MLH3: variants seen among roughly 807,000 people sequenced by gnomAD.
MLH3 encodes the protein DNA mismatch repair protein Mlh3.
MLH3 carries 82 observed loss-of-function variants against 122.2 expected under a neutral mutation model. The ratio of observed to expected loss-of-function variants is 0.67; its 90% CI spans 0.56 to 0.81. MLH3 has a LOEUF of 0.81. Ranked by LOEUF, MLH3 falls within the 30% of genes least tolerant of loss-of-function variation. The pLI, the probability that MLH3 is intolerant of heterozygous loss-of-function variation, is 0.00. For missense variants in MLH3, 1,539 were observed against 1,714.5 expected, an observed-to-expected ratio of 0.90 and a Z score of 1.81; for synonymous variants, 524 against 599.5, an observed-to-expected ratio of 0.87 and a Z score of 1.84.
intron 6 of MLH3, among the ~76,000 whole-genome samples, chr14:75,037,486 T>C (rs190782285): frequency 3.3e-5 from 5 of 152,320 alleles, no homozygotes; most frequent in African/African-American, 1.2e-4. Flanking sequence ...TTAATACTTG[T>C]TGAATGAGTT....
At chr14:75,046,281 G>T in intron 2 of MLH3, 95 bp downstream of exon 2, 3 of 1,278,250 alleles carry the variant, frequency 2.3e-6, no homozygotes, top group Non-Finnish European at 3.4e-6. Flanking sequence ...TGTTCTATCT[G>T]TTGAGATAAT....
intron 1 of MLH3, among the ~76,000 whole-genome samples, 172 bp downstream of exon 1, chr14:75,051,208 G>A (rs557043905): frequency 2.0e-5 from 3 of 152,074 alleles, no homozygotes; most frequent in Non-Finnish European, 2.9e-5. Flanking sequence ...CCCCTCCCTG[G>A]CCAGCCCCGT....
intron 11 of MLH3, among the ~76,000 whole-genome samples, chr14:75,021,330 C>T (rs901064968): frequency 4.6e-5 from 7 of 152,172 alleles, no homozygotes; most frequent in Admixed American, 2.6e-4. Context: ...AAGAGCTTCT[C>T]CACAGCAAAA....
intron 1 of MLH3, 25 bp from the exon 2 acceptor site, chr14:75,049,743 G>C: frequency 7.9e-7 from 1 of 1,261,652 alleles, no homozygotes; most frequent in Non-Finnish European, 1.1e-6. Context: ...AACCACACAC[G>C]CACATAATCA....
At chr14:75,022,219 C>T (rs1256049982) in intron 11 of MLH3, among the ~76,000 whole-genome samples, 6 of 152,290 alleles carry the variant, frequency 3.9e-5, no homozygotes, top group African/African-American at 1.2e-4. Flanking sequence ...GTACTATGCT[C>T]ATTACCTGGG....
intron 11 of MLH3, among the ~76,000 whole-genome samples, 159 bp downstream of exon 11, chr14:75,022,655 A>G (rs1337451637): frequency 6.6e-6 from 1 of 152,212 alleles, no homozygotes; most frequent in Non-Finnish European, 1.5e-5. Context: ...TGTTTTTGTA[A>G]AAGTGATTTT....
chr14:75,027,664 T>TA (rs56986784), intron 9 of MLH3, among the ~76,000 whole-genome samples: 8,749 of 29,890 alleles, frequency 0.29, 1,457 homozygotes, highest in East Asian at 0.44. Context: ...TTTACTTCAG[T>TA]AAAAAAAAAA....
intron 7 of MLH3, 149 bp downstream of exon 7, chr14:75,033,270 A>T: frequency 1.4e-6 from 1 of 711,966 alleles, no homozygotes; most frequent in Non-Finnish European, 2.5e-6. Context: ...CAATTATAAC[A>T]CAGGCCAAAC....
At position 75,028,863 on chromosome 14, in the gene MLH3, T is replaced by C. The variant is rs549522254; in HGVS notation, c.3987+1680A>G. On this transcript the variant is annotated intron_variant, in intron 9 of 12. Transcript: ENST00000355774. Reference sequence around the variant, plus strand: ...ATTAAGTAAGCTAGAGAAAAGAAAATGTTGGCCAGGCGTAGTGGCTCATGC... The same window carrying C: ...ATTAAGTAAGCTAGAGAAAAGAAAACGTTGGCCAGGCGTAGTGGCTCATGC... 1.4e-4 allele frequency among the ~76,000 whole-genome samples: 21 copies of C among 151,346 alleles called. No individual in the cohort carries two copies. In the East Asian group the frequency reaches 4.1e-3, roughly 30 times the overall value.
chr14:75,047,507 AAG>A lies in MLH3; in HGVS notation c.2147_2148del (p.Ser716PhefsTer5), dbSNP rs1892331030. ...TDCILSDTSPSFPWYRHVSND... is the reference protein window; with the variant it reads ...TDCILSDTSPXFPWYRHVSND... ...TTGGAAACGTGTCTATACCAGGGGA[AAG>A]AGGGGGATGTATCAGATAATATGCA... On this transcript the variant is annotated frameshift_variant, in exon 2 of 13. Coordinates refer to ENST00000355774, the MANE Select transcript of MLH3 (RefSeq NM_001040108.2). LOFTEE classifies it high-confidence loss of function. 3 of 1,614,116 alleles carry A rather than the reference AAG, an allele frequency of 1.9e-6. No individual in the cohort carries two copies. Among genetic ancestry groups the A allele is most frequent in the Non-Finnish European group, 2.5e-6 (3 of 1,180,014 alleles).
At position 75,014,398 on chromosome 14, in the gene MLH3, C is replaced by T. The variant is rs1009861146; in HGVS notation, c.*2684G>A. ...TTCTCCAGCTTCATTCTAGCCTACA[C>T]TTTATGCTTTGCCTTAAGCTTTTCT... On this transcript the variant is annotated 3_prime_UTR_variant, in exon 13 of 13. Coordinates refer to ENST00000355774, the MANE Select transcript of MLH3 (RefSeq NM_001040108.2). The T allele has an allele frequency of 5.6e-6, 1 of 178,656 alleles. No individual in the cohort carries two copies. The highest frequency in any genetic ancestry group is 2.4e-5 in the African/African-American group (1 of 42,296). 11.1% of individuals were successfully genotyped at this position (178,656 alleles called of 1,614,324 possible).
chr14:75,023,349 A>T (rs1219182248), intron 9 of MLH3, among the ~76,000 whole-genome samples: 1 of 152,222 alleles, frequency 6.6e-6, no homozygotes, highest in Non-Finnish European at 1.5e-5. Context: ...GCTTCTCACT[A>T]AAAGGCTGTC....
Position 75,046,509 on chromosome 14 carries a change from A to C in MLH3, c.3147T>G (p.Asp1049Glu). Residue 1049 changes from aspartate (D) to glutamate (E), a missense_variant, in exon 2 of 13, where the codon GAT becomes GAG. Transcript: ENST00000355774. ...TCCSDWQRHF[D>E]VALGRMVYVN... ...CATAAACCATTCTTCCCAGGGCTAC[A>C]TCGAAATGCCGCTGCCAATCTGAAC... 1 of 1,614,222 alleles carries C rather than the reference A, an allele frequency of 6.2e-7. No individual in the cohort carries two copies. The highest frequency in any genetic ancestry group is 8.5e-7 in the Non-Finnish European group (1 of 1,180,034).
rs1444387940 is a variant in MLH3, at chr14:75,041,737, A to G, written c.3380-37T>C. ...GGGAACAGGTAAAGTTGGCATCCAG[A>G]ACCACAGGGAAAGGAGGGAATGGCA... is the stretch of plus-strand genomic sequence containing the variant. On this transcript the variant is annotated intron_variant, in intron 3 of 12. Transcript: ENST00000355774. 5 of 1,472,014 alleles carry G rather than the reference A, an allele frequency of 3.4e-6. No individual in the cohort carries two copies. In the East Asian group the frequency reaches 1.1e-4, roughly 33 times the overall value. 91.2% of individuals were successfully genotyped at this position (1,472,014 alleles called of 1,614,324 possible). A position where few individuals can be genotyped will look rare whatever the true frequency, so the allele number is the denominator to read the frequency against.
chr14:75,033,762 C>T (rs990219868), intron 6 of MLH3, among the ~76,000 whole-genome samples: 2 of 152,204 alleles, frequency 1.3e-5, no homozygotes, highest in African/African-American at 4.8e-5. Flanking sequence ...GCCCCCACCC[C>T]TTCTAGTTTC....
At chr14:75,029,324 C>T (rs1455435940) in intron 9 of MLH3, among the ~76,000 whole-genome samples, 4 of 152,212 alleles carry the variant, frequency 2.6e-5, no homozygotes, top group East Asian at 1.9e-4. Context: ...CTTGCTGTCT[C>T]AGGAATGGCA....
rs902756375 is a variant in MLH3 at position 75,029,541 on chromosome 14, CT to C, written c.3987+1001del. ...AGCACTTTCCCACTATTCTTTTTTT[CT>C]TTTTTTTTTTGAGACAGAGTTTCAC... On this transcript the variant is annotated intron_variant, in intron 9 of 12. Coordinates refer to ENST00000355774, the MANE Select transcript of MLH3 (RefSeq NM_001040108.2). Among the ~76,000 whole-genome samples, 360 of 145,962 alleles carry C rather than the reference CT, an allele frequency of 2.5e-3. 1 individual carries two copies. The highest frequency in any genetic ancestry group is 7.4e-3 in the African/African-American group (297 of 40,032).
Position 75,049,396 on chromosome 14 carries a change from G to A in MLH3, c.260C>T (p.Pro87Leu), listed in dbSNP as rs749968114. Residue 87 changes from proline to leucine, a missense_variant, in exon 2 of 13, where the codon CCA (proline) becomes CTA (leucine). By Grantham distance (98) the Pro-to-Leu change is moderately conservative. Transcript: ENST00000355774. ...CTCTCCTCGGAAACCATAAAACCTT[G>A]GATTCTCCAAGTCCTGTACCGAGTG... ...KCHSVQDLEN[P>L]RFYGFRGEAL... The A allele has an allele frequency of 8.7e-6, 14 of 1,613,934 alleles. No individual in the cohort carries two copies. Among genetic ancestry groups the A allele is most frequent in the Non-Finnish European group, 1.1e-5 (13 of 1,180,026 alleles).
At position 75,046,979 on chromosome 14, in the gene MLH3, T is replaced by G; in HGVS notation, c.2677A>C (p.Met893Leu). 6.2e-7 allele frequency: 1 copy of G among 1,614,198 alleles called. No individual in the cohort carries two copies. The highest frequency in any genetic ancestry group is 8.5e-7 in the Non-Finnish European group (1 of 1,180,026). The change falls in exon 2 of 13, where the codon ATG (methionine) becomes CTG (leucine). Residue 893 changes from methionine to leucine, a missense_variant. Coordinates refer to ENST00000355774, the MANE Select transcript of MLH3 (RefSeq NM_001040108.2). ...TTTGGAAGTTCATTAAAACGACTCATCATCCCCATTGTTTGAGTTTCTCTT... is the reference window on the plus strand; with the variant it reads ...TTTGGAAGTTCATTAAAACGACTCAGCATCCCCATTGTTTGAGTTTCTCTT... ...SERETQTMGM[M>L]SRFNELPNSD...
Sources: allele counts gnomAD v4.1 joint callset (sites outside exome capture counted in the v4.1 genomes callset), GRCh38; gene constraint gnomAD v4.1.1; transcripts MANE v1.5; gene names NCBI Gene and HGNC (gene_info 2026-07-23, HGNC 2026-07-21).